MEGF6: variants seen among roughly 807,000 people sequenced by gnomAD.
MEGF6 encodes multiple epidermal growth factor-like domains protein 6.
In MEGF6, 184 loss-of-function variants were observed where a neutral mutation model predicts 207.1. The observed-to-expected ratio is 0.89, with a 90% CI of 0.79 to 1.00. The LOEUF (loss-of-function observed/expected upper bound fraction) is 1.00, where lower values mean the gene tolerates loss of function less well. Ranked by LOEUF, MEGF6 falls within the 50% of genes least tolerant of loss-of-function variation. The pLI is 0.00. For missense variants in MEGF6, 2,282 were observed against 2,202.9 expected (o/e 1.04, Z -0.72); for synonymous variants, 1,038 against 910.0 (o/e 1.14, Z -2.53).
intron 4 of MEGF6, among the ~76,000 whole-genome samples, chr1:3,555,655 A>G (rs937527285): frequency 5.9e-5 from 9 of 152,146 alleles, no homozygotes; most frequent in Non-Finnish European, 1.2e-4. Flanking sequence ...GTGAAACAGC[A>G]GGAGCCTGCA....
rs376227812 is a variant in MEGF6, at chr1:3,602,470, G to T, written c.262C>A (p.Arg88=). Residue 88 remains arginine, a synonymous_variant, in exon 2 of 37, where the codon CGG becomes AGG. Transcript: ENST00000356575. ...GWQAWCVGHE[R]RTVYYMGYRQ... ...AACACGGGCCCCTGCACTTACCTCC[G>T]CTCATGACCCACGCACCACGCCTGC... 12 of 1,613,198 alleles carry T rather than the reference G, an allele frequency of 7.4e-6. No individual in the cohort carries two copies. The East Asian group carries it at 1.6e-4, about 21-fold the overall frequency.
chr1:3,569,667 T>C (rs1387424518), intron 4 of MEGF6, among the ~76,000 whole-genome samples: 1 of 152,218 alleles, frequency 6.6e-6, no homozygotes, highest in Non-Finnish European at 1.5e-5. Flanking sequence ...CTGGTCGTCC[T>C]CTGAACAGTG....
At chr1:3,499,338 G>C (rs959116329) in intron 23 of MEGF6, 72 bp from the exon 24 acceptor site, 13 of 1,520,448 alleles carry the variant, frequency 8.6e-6, no homozygotes, top group Non-Finnish European at 1.2e-5. Flanking sequence ...ATCACAGCCA[G>C]CTGGGCAGAT....
chr1:3,599,130 C>T (rs1182139091), intron 2 of MEGF6, among the ~76,000 whole-genome samples: 1 of 152,230 alleles, frequency 6.6e-6, no homozygotes, highest in East Asian at 1.9e-4. Flanking sequence ...ACCGCAGCCA[C>T]CACAACACCA....
intron 24 of MEGF6, 114 bp from the exon 25 acceptor site, chr1:3,498,940 T>C (rs1368238136): frequency 2.1e-6 from 3 of 1,451,094 alleles, no homozygotes; most frequent in South Asian, 1.3e-5. Context: ...TGCAGGGGGC[T>C]GCCCCTAGGA....
At chr1:3,508,929 C>T in intron 12 of MEGF6, 146 bp downstream of exon 12, 1 of 1,115,588 alleles carries the variant, frequency 9.0e-7, no homozygotes, top group Non-Finnish European at 1.2e-6. Context: ...GCCAGTGGCT[C>T]ACCCTCTCTG....
the MEGF6 span, among the ~76,000 whole-genome samples, chr1:3,622,484 G>A: frequency 1.9e-4 from 29 of 152,226 alleles, no homozygotes; most frequent in African/African-American, 6.8e-4. Context: ...ATTAATAGCA[G>A]TGGGAAAACA....
In MEGF6 at chr1:3,495,903, G is replaced by C; in HGVS notation, c.3858C>G (p.Val1286=). 2 of 1,598,252 alleles carry C rather than the reference G, an allele frequency of 1.3e-6. No homozygotes were observed. The highest frequency in any genetic ancestry group is 1.7e-6 in the Non-Finnish European group (2 of 1,179,192). The change falls in exon 30 of 37, where the codon GTC becomes GTG. Residue 1286 remains valine, a synonymous_variant. Coordinates refer to ENST00000356575, the MANE Select transcript of MEGF6 (RefSeq NM_001409.4). ...GTGAACACTCACCTCGCTCACAGCGGACGCCGGCTCTCCCCGGGGGGCAGA... is the reference window on the plus strand; with the variant it reads ...GTGAACACTCACCTCGCTCACAGCGCACGCCGGCTCTCCCCGGGGGGCAGA... ...TCLCPPGRAG[V]RCERGCPQNR... is the part of the protein sequence containing the mutation.
At chr1:3,614,038 C>T (rs116658804), upstream of MEGF6, among the ~76,000 whole-genome samples, 1,347 of 152,310 alleles carry the variant, frequency 8.8e-3, 20 homozygotes, top group African/African-American at 0.029. Flanking sequence ...GGACACCTGC[C>T]GTGCCCTCCC....
At position 3,512,121 on chromosome 1, in the gene MEGF6, G is replaced by A. The variant is rs779635639; in HGVS notation, c.861C>T (p.Asp287=). ...ACTGGGCCAGCCCTGCGGCACATTC[G>A]TCCACATCTGGAGGGGAGAGACCAC... ...AADGKACEDV[D]ECAAGLAQCA... The change falls in exon 8 of 37, where the codon GAC becomes GAT. Residue 287 remains aspartate (D), a synonymous_variant. Transcript: ENST00000356575. 3.0e-5 allele frequency: 48 copies of A among 1,606,292 alleles called. No homozygotes were observed. The Middle Eastern group carries it at 5.0e-4, about 17-fold the overall frequency.
chr1:3,500,530 G>T, intron 21 of MEGF6, 103 bp downstream of exon 21: 2 of 1,428,626 alleles, frequency 1.4e-6, no homozygotes, highest in Non-Finnish European at 9.3e-7. Flanking sequence ...GTGTGTGCGT[G>T]CAGGAGGGAG....
Position 3,590,058 on chromosome 1 carries a change from C to T in MEGF6, c.376+5280G>A, listed in dbSNP as rs184582955. Among the ~76,000 whole-genome samples the T allele has an allele frequency of 1.2e-3, 189 of 152,362 alleles. 1 individual carries two copies. Among genetic ancestry groups the T allele is most frequent in the African/African-American group, 4.3e-3 (177 of 41,588 alleles). On this transcript the variant is annotated intron_variant, in intron 3 of 36. Coordinates refer to ENST00000356575, the MANE Select transcript of MEGF6 (RefSeq NM_001409.4). ...ACTGTATGCTGAGGCCCTGCCTCTC[C>T]GTCCAGTGGCCTCCCCCTCCCCTGG... is the stretch of plus-strand genomic sequence containing the variant.
intron 17 of MEGF6, among the ~76,000 whole-genome samples, chr1:3,502,870 C>A (rs1234251822): frequency 6.6e-6 from 1 of 152,166 alleles, no homozygotes; most frequent in Admixed American, 6.5e-5. Flanking sequence ...GCCGGGAGCT[C>A]GGGTAGCAGC....
At chr1:3,541,521 TG>T (rs1642518619) in intron 4 of MEGF6, among the ~76,000 whole-genome samples, 1 of 152,226 alleles carries the variant, frequency 6.6e-6, no homozygotes, top group African/African-American at 2.4e-5. Context: ...GCACCTGGCC[TG>T]GGTGCCAGGA....
intron 4 of MEGF6, chr1:3,531,039 C>T (rs1391722918): frequency 6.9e-7 from 1 of 1,456,230 alleles, no homozygotes; most frequent in Non-Finnish European, 9.0e-7. Context: ...CGGGGAGCGC[C>T]CTGGCCCCGC....
intron 4 of MEGF6, among the ~76,000 whole-genome samples, chr1:3,548,311 C>T (rs544879424): frequency 1.6e-4 from 25 of 152,348 alleles, no homozygotes; most frequent in African/African-American, 6.0e-4. Flanking sequence ...CTCCTCAGGA[C>T]GGGCCCTGGA....
At position 3,523,593 on chromosome 1, in the gene MEGF6, G is replaced by C. The variant is rs558100216; in HGVS notation, c.604+531C>G. Among the ~76,000 whole-genome samples, 8 of 152,304 alleles carry C rather than the reference G, an allele frequency of 5.3e-5. No homozygotes were observed. The East Asian group carries it at 1.4e-3, about 26-fold the overall frequency. On this transcript the variant is annotated intron_variant, in intron 5 of 36. Transcript: ENST00000356575. ...ACACCCTCCAGGCTCCCCAAGCTGG[G>C]CAGGGATCACCTGGGCCCACAAAGC...
Position 3,498,495 on chromosome 1 carries a change from G to A in MEGF6, c.3228C>T (p.Cys1076=), listed in dbSNP as rs1640709142. Residue 1076 remains cysteine (C), a synonymous_variant, in exon 26 of 37, where the codon TGC becomes TGT. Transcript: ENST00000356575. ...GWAGLACEKE[C]LPRDVRAGCR... ...AGCCAGCTCTGACGTCCCGGGGGAG[G>A]CACTCTACAGGAGCAGAGGCAGGCA... The A allele has an allele frequency of 1.3e-6, 2 of 1,574,960 alleles. No homozygotes were observed. Among genetic ancestry groups the A allele is most frequent in the Non-Finnish European group, 8.6e-7 (1 of 1,162,064 alleles).
rs111824684 is a variant in MEGF6 at position 3,560,933 on chromosome 1, A to G, written c.481+18892T>C. On this transcript the variant is annotated intron_variant, in intron 4 of 36. Coordinates refer to ENST00000356575, the MANE Select transcript of MEGF6 (RefSeq NM_001409.4). The surrounding 1 kb of genome is among the most constrained non-coding windows in gnomAD (Gnocchi z 4.0). ...CTCTACTACCCTCTGGCACACATCC[A>G]TCTAGTGCCCCAGGGGCTTCGGAGG... The G allele has an allele frequency of 5.4e-6, 2 of 373,404 alleles. No individual in the cohort carries two copies. The highest frequency in any genetic ancestry group is 1.1e-5 in the Non-Finnish European group (2 of 184,806). 23.1% of individuals were successfully genotyped at this position (373,404 alleles called of 1,614,324 possible).
Sources: gnomAD v4.1 joint callset for allele counts (sites outside exome capture counted in the v4.1 genomes callset) on GRCh38, gnomAD v4.1.1 for gene constraint, Gnocchi (gnomAD v3.1) non-coding constraint, MANE v1.5 for transcripts, NCBI Gene and HGNC (gene_info 2026-07-23, HGNC 2026-07-21) for gene names.